The following IGSF11 variants were observed in gnomAD, a reference collection of about 807,000 sequenced individuals.
IGSF11 encodes CXADR like 1.
A neutral mutation model predicts 41.0 loss-of-function variants in IGSF11; 22 were observed. The ratio of observed to expected loss-of-function variants is 0.54; its 90% CI spans 0.38 to 0.77. The LOEUF is 0.77. IGSF11 is among the 30% of genes least tolerant of loss of function. The probability of loss-of-function intolerance (pLI) is 0.00; values close to 1 mark genes in which losing one functional copy is unlikely to be tolerated. For missense variants in IGSF11, 444 were observed against 530.8 expected, an observed-to-expected ratio of 0.84 and a Z score of 1.61; for synonymous variants, 219 against 201.3, an observed-to-expected ratio of 1.09 and a Z score of -0.74.
At chr3:119,075,930 C>A (rs2107473543) in intron 1 of IGSF11, among the ~76,000 whole-genome samples, 1 of 152,224 alleles carries the variant, frequency 6.6e-6, no homozygotes, top group Admixed American at 6.5e-5. Context: ...CATATGGAAC[C>A]TAAAAAGAGC....
At chr3:119,033,402 T>C (rs563505875) in intron 1 of IGSF11, among the ~76,000 whole-genome samples, 40 of 152,342 alleles carry the variant, frequency 2.6e-4, no homozygotes, top group African/African-American at 9.6e-4. Context: ...CATATTGATG[T>C]TATTGTGTGC....
chr3:119,005,039 A>G (rs1937346138), intron 1 of IGSF11, among the ~76,000 whole-genome samples: 1 of 148,374 alleles, frequency 6.7e-6, no homozygotes, highest in Non-Finnish European at 1.5e-5. Context: ...TGTCTCGTTG[A>G]TCTGTCCAAT....
chr3:118,951,081 G>A (rs539075415), intron 1 of IGSF11, among the ~76,000 whole-genome samples: 1 of 152,280 alleles, frequency 6.6e-6, no homozygotes, highest in East Asian at 1.9e-4. Context: ...TCCTGTATCT[G>A]CACCACCCAA....
rs558347912 is a variant in IGSF11 at position 119,068,234 on chromosome 3, C to G, written c.49+36910G>C. Among the ~76,000 whole-genome samples, 8 of 152,344 alleles carry G rather than the reference C, an allele frequency of 5.3e-5. No homozygotes were observed. The South Asian group carries it at 1.7e-3, about 32-fold the overall frequency. On this transcript the variant is annotated intron_variant, in intron 1 of 6. Coordinates refer to the IGSF11 transcript ENST00000354673. ...AACTTTTGAAGTATTTGCAGATGTC[C>G]TAACCACAAACTTCCATTTGTTTAC...
intron 4 of IGSF11, among the ~76,000 whole-genome samples, chr3:118,912,981 C>G (rs2107490611): frequency 6.6e-6 from 1 of 151,628 alleles, no homozygotes; most frequent in Non-Finnish European, 1.5e-5. Flanking sequence ...GCCTGGATGA[C>G]AGAACGAGAC....
At chr3:119,048,887 A>T (rs1246559444) in intron 1 of IGSF11, among the ~76,000 whole-genome samples, 8 of 152,228 alleles carry the variant, frequency 5.3e-5, no homozygotes, top group African/African-American at 1.9e-4. Flanking sequence ...ACAGAACCAA[A>T]GACAAAAACC....
intron 1 of IGSF11, among the ~76,000 whole-genome samples, chr3:118,995,821 T>C (rs1233963624): frequency 6.6e-6 from 1 of 151,776 alleles, no homozygotes; most frequent in African/African-American, 2.4e-5. Flanking sequence ...CCCCGCTAAT[T>C]TTTTTTTATT....
At chr3:119,052,375 G>A (rs894294059) in intron 1 of IGSF11, among the ~76,000 whole-genome samples, 2 of 150,700 alleles carry the variant, frequency 1.3e-5, no homozygotes, top group East Asian at 2.0e-4. Flanking sequence ...AGCTACTCAG[G>A]AGGCTGAGAC....
chr3:118,950,574 C>A (rs1194011938), intron 1 of IGSF11, among the ~76,000 whole-genome samples: 1 of 151,436 alleles, frequency 6.6e-6, no homozygotes, highest in Non-Finnish European at 1.5e-5. Context: ...ATATATATAC[C>A]CCAACTCAAT....
chr3:119,036,470 G>T (rs1940908283), upstream of IGSF11, among the ~76,000 whole-genome samples: 6 of 152,276 alleles, frequency 3.9e-5, 1 homozygote, highest in Admixed American at 3.9e-4. Context: ...AAACAAGGAA[G>T]CGGTCAAGTG....
chr3:119,058,220 CT>C (rs1315370752), intron 1 of IGSF11, among the ~76,000 whole-genome samples: 1 of 152,012 alleles, frequency 6.6e-6, no homozygotes, highest in East Asian at 1.9e-4. Context: ...TTGCAACCTA[CT>C]CATCTGACAA....
intron 1 of IGSF11, among the ~76,000 whole-genome samples, chr3:119,083,741 GTATAGCACA>G (rs2076624526): frequency 2.0e-5 from 3 of 152,282 alleles, no homozygotes; most frequent in African/African-American, 7.2e-5. Context: ...TCATATAAAA[GTATAGCACA>G]TACAATTATG....
intron 1 of IGSF11, among the ~76,000 whole-genome samples, chr3:119,005,174 T>A (rs1413838248): frequency 6.9e-6 from 1 of 145,364 alleles, no homozygotes; most frequent in African/African-American, 2.7e-5. Context: ...ATGTTTAGGA[T>A]AGTTAGCTCC....
intron 1 of IGSF11, chr3:119,013,238 C>T (rs999468835): frequency 6.6e-6 from 1 of 152,268 alleles, no homozygotes; most frequent in Non-Finnish European, 1.5e-5. Context: ...TTCTGCCCCT[C>T]ATCTTGCAAG....
At position 119,091,867 on chromosome 3, in the gene IGSF11, T is replaced by A. The variant is rs192252644; in HGVS notation, c.49+13277A>T. The stretch of plus-strand genomic sequence containing the variant: ...GTAAAATAAATATTGAATTTTTTTT[T>A]AAATAGGAAAATAAAAATAAAAAAT... On this transcript the variant is annotated intron_variant, in intron 1 of 6. Transcript: ENST00000354673. Among the ~76,000 whole-genome samples the A allele has an allele frequency of 2.2e-3, 338 of 151,348 alleles. 3 individuals carry two copies. The highest frequency in any genetic ancestry group is 7.5e-3 in the African/African-American group (308 of 41,260).
chr3:119,031,593 T>C (rs903125951), intron 1 of IGSF11, among the ~76,000 whole-genome samples: 1 of 152,258 alleles, frequency 6.6e-6, no homozygotes, highest in Non-Finnish European at 1.5e-5. Context: ...TTACCTTGTG[T>C]CTGACAACAG....
chr3:118,948,061 G>A (rs1944290735), intron 1 of IGSF11: 2 of 151,560 alleles, frequency 1.3e-5, no homozygotes, highest in Non-Finnish European at 2.9e-5. Flanking sequence ...TCTATCCCGT[G>A]TATGTGTATA....
At chr3:119,092,116 A>T (rs2076772840) in intron 1 of IGSF11, among the ~76,000 whole-genome samples, 1 of 151,612 alleles carries the variant, frequency 6.6e-6, no homozygotes. Flanking sequence ...GGTTCAAGCA[A>T]TTTTCATGCC....
chr3:118,919,312 G>A (rs1270227280), intron 4 of IGSF11, among the ~76,000 whole-genome samples: 1 of 138,546 alleles, frequency 7.2e-6, no homozygotes, highest in East Asian at 2.1e-4. Flanking sequence ...TACCATCAGA[G>A]TGAACAGGCA....
Sources: allele counts gnomAD v4.1 joint callset (sites outside exome capture counted in the v4.1 genomes callset), GRCh38; gene constraint gnomAD v4.1.1; transcripts MANE v1.5; gene names NCBI Gene and HGNC (gene_info 2026-07-23, HGNC 2026-07-21).